RBM47: variants seen among roughly 807,000 people sequenced by gnomAD.
The protein encoded by RBM47 is RNA binding motif protein 47.
Under a neutral mutation model 47.1 loss-of-function variants are expected in RBM47, and 21 were observed. The ratio of observed to expected loss-of-function variants is 0.45; its 90% CI spans 0.32 to 0.64. The LOEUF (loss-of-function observed/expected upper bound fraction) is 0.64. RBM47 is among the 30% of genes least tolerant of loss of function. The pLI, the probability that RBM47 is intolerant of heterozygous loss-of-function variation, is 0.05. For synonymous variants in RBM47, 375 were observed against 361.7 expected (o/e 1.04, Z -0.42); for missense variants, 708 against 870.9 (o/e 0.81, Z 2.35).
At chr4:40,458,192 T>C (rs1468510751) in intron 3 of RBM47, among the ~76,000 whole-genome samples, 2 of 152,228 alleles carry the variant, frequency 1.3e-5, no homozygotes, top group Non-Finnish European at 2.9e-5. Context: ...AATAGTAGTA[T>C]ACAAAAATAA....
chr4:40,629,816 G>A lies in RBM47; in HGVS notation c.-660C>T, dbSNP rs1227413349. 1 of 152,196 alleles carries A rather than the reference G, an allele frequency of 6.6e-6. No individual in the cohort carries two copies. The highest frequency in any genetic ancestry group is 2.4e-5 in the African/African-American group (1 of 41,460). The allele number at this position is 152,196 out of a possible 1,614,324, so 9.4% of individuals were successfully genotyped here. On this transcript the variant is annotated 5_prime_UTR_variant, in exon 1 of 7. In the 5' UTR this introduces an upstream ATG that the reference lacks. Transcript: ENST00000295971. ...GGTTCCACCCGCAGAGCGGCGCCGC[G>A]TCCCGGCTGCGTGGGGCGCTGCGCA...
At chr4:40,501,526 C>T (rs1016973161) in intron 2 of RBM47, among the ~76,000 whole-genome samples, 10 of 152,206 alleles carry the variant, frequency 6.6e-5, no homozygotes, top group African/African-American at 2.2e-4. Context: ...GCCACTGATA[C>T]GCATGTGCCA....
At chr4:40,429,921 G>A (rs1488724756) in intron 6 of RBM47, among the ~76,000 whole-genome samples, 5 of 152,122 alleles carry the variant, frequency 3.3e-5, no homozygotes, top group Admixed American at 6.6e-5. Flanking sequence ...GTGGCCGGGC[G>A]CGGTGGCTCA....
At chr4:40,512,242 GA>G (rs1450891047) in intron 2 of RBM47, among the ~76,000 whole-genome samples, 1 of 151,580 alleles carries the variant, frequency 6.6e-6, no homozygotes, top group Non-Finnish European at 1.5e-5. Context: ...CCAACATAAT[GA>G]AACCCCTTCT....
chr4:40,506,495 G>A (rs1724116505), intron 2 of RBM47, among the ~76,000 whole-genome samples: 1 of 152,190 alleles, frequency 6.6e-6, no homozygotes, highest in South Asian at 2.1e-4. Context: ...GAATCTTTGT[G>A]GAAAAGGTAA....
At chr4:40,447,589 A>C (rs1444686625) in intron 3 of RBM47, among the ~76,000 whole-genome samples, 1 of 152,232 alleles carries the variant, frequency 6.6e-6, no homozygotes, top group African/African-American at 2.4e-5. Flanking sequence ...AGAATTAATA[A>C]GACTACCGGT....
chr4:40,558,698 G>A (rs1730328518), intron 1 of RBM47, among the ~76,000 whole-genome samples: 1 of 151,846 alleles, frequency 6.6e-6, no homozygotes, highest in Admixed American at 6.6e-5. Context: ...TGTGGTGGTG[G>A]ACACCTGTAG....
chr4:40,507,940 C>A (rs1244385488), intron 2 of RBM47, among the ~76,000 whole-genome samples: 2 of 151,860 alleles, frequency 1.3e-5, no homozygotes, highest in Admixed American at 6.6e-5. Context: ...GTGGCGCATG[C>A]CTGTAATCCC....
At position 40,424,865 on chromosome 4, in the gene RBM47, T is replaced by C. The variant is rs1359866285; in HGVS notation, c.*1039A>G. ...AGCATTAGAAATGGCATTAAAGTTT[T>C]ACATTGGGCAATTAAATAGCTATGC... On this transcript the variant is annotated 3_prime_UTR_variant, in exon 7 of 7. Coordinates refer to ENST00000295971, the MANE Select transcript of RBM47 (RefSeq NM_001098634.2). The C allele has an allele frequency of 6.6e-6, 1 of 152,178 alleles. No individual in the cohort carries two copies. Among genetic ancestry groups the C allele is most frequent in the Non-Finnish European group, 1.5e-5 (1 of 68,026 alleles). The allele number at this position is 152,178 out of a possible 1,614,324, so 9.4% of individuals were successfully genotyped here. A position where few individuals can be genotyped will look rare whatever the true frequency, so the allele number is the denominator to read the frequency against.
chr4:40,571,420 G>A (rs552408540), intron 1 of RBM47, among the ~76,000 whole-genome samples: 19 of 152,034 alleles, frequency 1.2e-4, no homozygotes, highest in South Asian at 1.0e-3. Context: ...AAAATAAGTT[G>A]TATCTATACC....
At chr4:40,462,107 A>C (rs1319959139) in intron 3 of RBM47, among the ~76,000 whole-genome samples, 1 of 152,176 alleles carries the variant, frequency 6.6e-6, no homozygotes, top group Non-Finnish European at 1.5e-5. Context: ...CAAGCCCGTC[A>C]GAGAACAGCG....
At chr4:40,443,451 C>T (rs1214889315) in intron 3 of RBM47, among the ~76,000 whole-genome samples, 1 of 152,094 alleles carries the variant, frequency 6.6e-6, no homozygotes, top group African/African-American at 2.4e-5. Context: ...GGCACAGTGG[C>T]TTACACCTGT....
At chr4:40,450,806 T>A (rs1004178458) in intron 3 of RBM47, among the ~76,000 whole-genome samples, 1 of 152,032 alleles carries the variant, frequency 6.6e-6, no homozygotes, top group Non-Finnish European at 1.5e-5. Context: ...ACCCACTAGA[T>A]GCAAAAGCCC....
intron 2 of RBM47, among the ~76,000 whole-genome samples, chr4:40,526,391 A>G (rs1240673972): frequency 6.0e-5 from 9 of 150,974 alleles, no homozygotes; most frequent in Admixed American, 5.9e-4. Context: ...ACAGGACCTT[A>G]GAACACTTCA....
intron 4 of RBM47, among the ~76,000 whole-genome samples, chr4:40,437,090 A>AAAAAAAAAAAAAAAAAAATATATATATAT (rs1256296949): frequency 2.0e-5 from 1 of 49,800 alleles, no homozygotes; most frequent in African/African-American, 1.1e-4. Flanking sequence ...AAAAAAAAAA[A>AAAAAAAAAAAAAAAAAAATATATATATAT]ATATATATAT....
At chr4:40,429,902 AC>A (rs1320774174) in intron 6 of RBM47, among the ~76,000 whole-genome samples, 1 of 151,658 alleles carries the variant, frequency 6.6e-6, no homozygotes, top group East Asian at 1.9e-4. Context: ...GCAAATAAGA[AC>A]CCTGATGGTG....
chr4:40,600,565 C>T (rs1472418519), intron 1 of RBM47, among the ~76,000 whole-genome samples: 19 of 150,508 alleles, frequency 1.3e-4, no homozygotes, highest in African/African-American at 4.2e-4. Flanking sequence ...ACCCGGGAGG[C>T]GGAGCTTGCA....
chr4:40,563,015 T>C (rs1418743789), intron 1 of RBM47, among the ~76,000 whole-genome samples: 5 of 152,172 alleles, frequency 3.3e-5, no homozygotes, highest in Non-Finnish European at 7.3e-5. Flanking sequence ...GACCCATGTG[T>C]TGTATTAAAC....
chr4:40,486,069 C>CA (rs201408070), intron 2 of RBM47, among the ~76,000 whole-genome samples: 2,824 of 62,576 alleles, frequency 0.045, 353 homozygotes, highest in African/African-American at 0.058. Flanking sequence ...AACCCTGTTT[C>CA]AAAAAAAAAA....
Sources: gnomAD v4.1 joint callset for allele counts (sites outside exome capture counted in the v4.1 genomes callset) on GRCh38, gnomAD v4.1.1 for gene constraint, MANE v1.5 for transcripts, NCBI Gene and HGNC (gene_info 2026-07-23, HGNC 2026-07-21) for gene names.